DNAJB6: variants seen among roughly 807,000 people sequenced by gnomAD.
DNAJB6 encodes dnaJ homolog subfamily B member 6.
In DNAJB6, 16 loss-of-function variants were observed where a neutral mutation model predicts 42.7. The ratio of observed to expected loss-of-function variants is 0.37; its 90% CI spans 0.25 to 0.57. DNAJB6 has a LOEUF of 0.57. Ranked by LOEUF, DNAJB6 falls within the 20% of genes least tolerant of loss-of-function variation. The pLI is 0.74. For missense variants in DNAJB6, 347 were observed against 416.8 expected (o/e 0.83, Z 1.46); for synonymous variants, 170 against 163.5 (o/e 1.04, Z -0.30).
Position 157,409,932 on chromosome 7 carries a change from T to G in DNAJB6, c.829T>G (p.Ser277Ala). The G allele has an allele frequency of 6.5e-7, 1 of 1,536,498 alleles. No individual in the cohort carries two copies. Among genetic ancestry groups the G allele is most frequent in the Non-Finnish European group, 8.7e-7 (1 of 1,145,906 alleles). Residue 277 changes from serine to alanine, a missense_variant, in exon 9 of 10, where the codon TCT (serine) becomes GCT (alanine). Transcript: ENST00000262177. ...SLLRHAPHCLSEEEGEQDRPR... is the reference protein window; with the variant it reads ...SLLRHAPHCLAEEEGEQDRPR... ...GCTGAGACACGCGCCTCACTGTCTC[T>G]CTGAGGAGGAGGGCGAGCAGGACCG...
intron 2 of DNAJB6, among the ~76,000 whole-genome samples, chr7:157,361,392 CGT>C (rs1799586919): frequency 6.6e-6 from 1 of 152,098 alleles, no homozygotes; most frequent in Non-Finnish European, 1.5e-5. Flanking sequence ...CTCTTGACCT[CGT>C]GATCTGCCTG....
chr7:157,347,743 T>C (rs1228923565), intron 1 of DNAJB6, among the ~76,000 whole-genome samples: 3 of 152,224 alleles, frequency 2.0e-5, no homozygotes, highest in Admixed American at 2.0e-4. Flanking sequence ...ACTTGATGAT[T>C]AGCATGTCAC....
At chr7:157,404,250 A>G (rs985174107) in intron 8 of DNAJB6, among the ~76,000 whole-genome samples, 2 of 151,018 alleles carry the variant, frequency 1.3e-5, no homozygotes, top group African/African-American at 2.4e-5. Flanking sequence ...CTGGGATGAC[A>G]GGTGTGAGCT....
In DNAJB6 at chr7:157,351,656, AACAAC is replaced by A. The variant is rs201070452; in HGVS notation, c.-26-6889_-26-6885del. Among the ~76,000 whole-genome samples, 541 of 111,170 alleles carry A rather than the reference AACAAC, an allele frequency of 4.9e-3. 5 individuals are homozygous for A. Among genetic ancestry groups the A allele is most frequent in the African/African-American group, 0.015 (505 of 34,644 alleles). 72.9% of individuals were successfully genotyped at this position (111,170 alleles called of 152,430 possible). ...TCAAAACAACAACAACAACAACAAC[AACAAC>A]AAAAAAAACCACAAAACTTGTTTGG... On this transcript the variant is annotated intron_variant, in intron 1 of 9. Transcript: ENST00000262177.
intron 1 of DNAJB6, among the ~76,000 whole-genome samples, chr7:157,339,475 T>C (rs145095126): frequency 0.021 from 3,208 of 151,492 alleles, 42 homozygotes; most frequent in East Asian, 0.055. Context: ...TTTTTTTGTA[T>C]TTTTTTAGTA....
intron 8 of DNAJB6, chr7:157,386,143 T>C (rs1262474862): frequency 1.1e-6 from 1 of 941,608 alleles, no homozygotes; most frequent in Non-Finnish European, 1.3e-6. Context: ...TAAGGATGTT[T>C]TCTAGTTGTG....
intron 5 of DNAJB6, chr7:157,368,967 T>C (rs1446524621): frequency 3.0e-6 from 1 of 337,092 alleles, no homozygotes; most frequent in East Asian, 8.6e-5. Flanking sequence ...TTTTGCATGG[T>C]GCAGTTCTTC....
chr7:157,395,265 A>G (rs940475695), intron 8 of DNAJB6, among the ~76,000 whole-genome samples: 3 of 152,198 alleles, frequency 2.0e-5, no homozygotes, highest in African/African-American at 7.2e-5. Flanking sequence ...TGGCCACTTA[A>G]TGTAGTTAAA....
At chr7:157,414,684 G>A (rs1376787321) in intron 9 of DNAJB6, 2 of 152,522 alleles carry the variant, frequency 1.3e-5, no homozygotes, top group African/African-American at 2.4e-5. Context: ...CTGTGCACGG[G>A]TCACAGGCGA....
intron 5 of DNAJB6, chr7:157,381,772 GTGT>G (rs1164196164): frequency 7.2e-5 from 11 of 153,710 alleles, no homozygotes; most frequent in African/African-American, 2.7e-4. Flanking sequence ...GTGTGTGTGT[GTGT>G]GGGCGCGCGC....
chr7:157,389,381 A>G (rs766217775), intron 8 of DNAJB6, among the ~76,000 whole-genome samples: 1 of 152,232 alleles, frequency 6.6e-6, no homozygotes, highest in Non-Finnish European at 1.5e-5. Flanking sequence ...AGCCATTAGC[A>G]TGTTCAGTGA....
intron 8 of DNAJB6, among the ~76,000 whole-genome samples, chr7:157,390,999 T>A (rs1431551642): frequency 6.6e-6 from 1 of 152,118 alleles, no homozygotes; most frequent in African/African-American, 2.4e-5. Context: ...AACGCCTGGC[T>A]AACTTTTTGT....
chr7:157,389,552 G>A (rs887149117), intron 8 of DNAJB6, among the ~76,000 whole-genome samples: 3 of 152,166 alleles, frequency 2.0e-5, no homozygotes, highest in Non-Finnish European at 4.4e-5. Flanking sequence ...TACCCTTTGG[G>A]GTCTTGATTT....
intron 1 of DNAJB6, among the ~76,000 whole-genome samples, chr7:157,348,668 A>G (rs972857758): frequency 4.6e-5 from 7 of 152,236 alleles, no homozygotes; most frequent in African/African-American, 1.4e-4. Flanking sequence ...ATCTTTCCAC[A>G]TACTCCTGTT....
At chr7:157,401,458 G>A (rs1240412105) in intron 8 of DNAJB6, among the ~76,000 whole-genome samples, 7 of 152,168 alleles carry the variant, frequency 4.6e-5, no homozygotes, top group African/African-American at 1.4e-4. Flanking sequence ...TGATCTGCCT[G>A]CCTCGGCCTC....
intron 8 of DNAJB6, among the ~76,000 whole-genome samples, chr7:157,399,119 GTTTTC>G (rs146403707): frequency 0.018 from 2,797 of 152,298 alleles, 77 homozygotes; most frequent in East Asian, 0.064. Context: ...AAGTTGAGTT[GTTTTC>G]TTAAGGATGT....
chr7:157,359,345 C>T (rs1799463327), intron 2 of DNAJB6, among the ~76,000 whole-genome samples: 1 of 152,146 alleles, frequency 6.6e-6, no homozygotes, highest in South Asian at 2.1e-4. Context: ...ATAGAATTAA[C>T]TTTTTTGGGG....
At chr7:157,385,342 C>G (rs891700693) in intron 7 of DNAJB6, among the ~76,000 whole-genome samples, 199 bp from the exon 8 acceptor site, 5 of 152,168 alleles carry the variant, frequency 3.3e-5, no homozygotes, top group Admixed American at 3.3e-4. Context: ...GTATTTGAGA[C>G]ACAATTTATT....
Position 157,363,266 on chromosome 7 carries a change from G to C in DNAJB6, c.171G>C (p.Ser57=). 1 of 1,605,390 alleles carries C rather than the reference G, an allele frequency of 6.2e-7. No individual in the cohort carries two copies. The highest frequency in any genetic ancestry group is 8.5e-7 in the Non-Finnish European group (1 of 1,174,384). The change falls in exon 3 of 10, where the codon TCG becomes TCC. Residue 57 remains serine (S), a synonymous_variant. Coordinates refer to ENST00000262177, the MANE Select transcript of DNAJB6 (RefSeq NM_058246.4). ...TAGCGGAGGCATATGAAGTGCTGTC[G>C]GATGGTGAGTGACAGCGAGCTGCTG... ...KQVAEAYEVL[S]DAKKRDIYDK... is the part of the protein sequence containing the mutation.
Sources: gnomAD v4.1 joint callset for allele counts (sites outside exome capture counted in the v4.1 genomes callset) on GRCh38, gnomAD v4.1.1 for gene constraint, MANE v1.5 for transcripts, NCBI Gene and HGNC (gene_info 2026-07-23, HGNC 2026-07-21) for gene names.